The following PMM2 variants were observed in gnomAD, a reference collection of about 807,000 sequenced individuals.
PMM2 encodes phosphomannomutase 2.
A neutral mutation model predicts 33.2 loss-of-function variants in PMM2; 35 were observed. That is an observed-to-expected ratio of 1.06 (90% confidence interval 0.81 to 1.40). The LOEUF is 1.40. Among genes scored for constraint, PMM2 ranks in the 40% most tolerant of loss-of-function variants. The pLI, the probability that PMM2 is intolerant of heterozygous loss-of-function variation, is 0.00. For missense variants in PMM2, 386 were observed against 306.0 expected, an observed-to-expected ratio of 1.26 and a Z score of -1.95; for synonymous variants, 153 against 114.7, an observed-to-expected ratio of 1.33 and a Z score of -2.13.
At chr16:8,839,623 C>G (rs1393056186) in intron 7 of PMM2, among the ~76,000 whole-genome samples, 1 of 151,938 alleles carries the variant, frequency 6.6e-6, no homozygotes, top group Non-Finnish European at 1.5e-5. Flanking sequence ...AAGTGTCTTC[C>G]TAAGCAATAA....
intron 7 of PMM2, chr16:8,842,253 T>A (rs1322765795): frequency 6.6e-6 from 1 of 152,310 alleles, no homozygotes; most frequent in Admixed American, 6.5e-5. Context: ...GAGGATGAAA[T>A]TTGAGCTTTG....
At position 8,797,908 on chromosome 16, in the gene PMM2, G is replaced by A. The variant is rs104894532; in HGVS notation, c.26G>A (p.Cys9Tyr). The change falls in exon 1 of 8, where the codon TGC becomes TAC. Residue 9 changes from cysteine (C) to tyrosine (Y), a missense_variant. By Grantham distance (194) the Cys-to-Tyr change is radical (BLOSUM62 -2). Transcript: ENST00000268261. Reference protein sequence around the residue: MAAPGPALCLFDVDGTLTA... With the variant: MAAPGPALYLFDVDGTLTA... The stretch of plus-strand genomic sequence containing the variant: ...ATGGCAGCGCCTGGCCCAGCGCTCT[G>A]CCTCTTCGACGTGGATGGGACCCTC... The A allele has an allele frequency of 1.9e-6, 3 of 1,611,322 alleles. No homozygotes were observed. Among genetic ancestry groups the A allele is most frequent in the Non-Finnish European group, 2.5e-6 (3 of 1,179,188 alleles).
chr16:8,831,585 A>G (rs946339574), intron 7 of PMM2, among the ~76,000 whole-genome samples: 3 of 152,212 alleles, frequency 2.0e-5, no homozygotes, highest in Admixed American at 6.5e-5. Flanking sequence ...CATCTGTGCT[A>G]TAGGAGGCAT....
intron 7 of PMM2, among the ~76,000 whole-genome samples, chr16:8,825,419 G>A (rs916217172): frequency 2.6e-5 from 4 of 151,188 alleles, no homozygotes; most frequent in Non-Finnish European, 5.9e-5. Flanking sequence ...TCCGCCTCCT[G>A]GGTTCAAGCG....
At chr16:8,821,988 G>A (rs1417149385) in intron 7 of PMM2, among the ~76,000 whole-genome samples, 5 of 152,174 alleles carry the variant, frequency 3.3e-5, no homozygotes, top group Non-Finnish European at 7.3e-5. Context: ...GCCTAGACAA[G>A]AGCCGATTTA....
intron 7 of PMM2, among the ~76,000 whole-genome samples, chr16:8,820,033 C>G (rs1287106267): frequency 1.3e-5 from 2 of 152,108 alleles, no homozygotes; most frequent in African/African-American, 4.8e-5. Context: ...TTAAAATTAG[C>G]TTAAAAATAC....
At chr16:8,836,711 TAATAA>T (rs1436294100) in intron 7 of PMM2, among the ~76,000 whole-genome samples, 4 of 152,026 alleles carry the variant, frequency 2.6e-5, no homozygotes, top group Non-Finnish European at 4.4e-5. Flanking sequence ...GCAGATTGGG[TAATAA>T]AATGTATATT....
chr16:8,815,732 A>T (rs577077970), intron 7 of PMM2, among the ~76,000 whole-genome samples: 4 of 152,350 alleles, frequency 2.6e-5, no homozygotes, highest in South Asian at 2.1e-4. Context: ...CCTAGAAAAA[A>T]AACATAGGGA....
intron 7 of PMM2, among the ~76,000 whole-genome samples, chr16:8,842,639 G>C (rs998847440): frequency 2.6e-5 from 4 of 152,170 alleles, no homozygotes; most frequent in Non-Finnish European, 5.9e-5. Flanking sequence ...GTATGGGTTG[G>C]GCACCACAGG....
chr16:8,840,201 G>A (rs994333927), intron 7 of PMM2, among the ~76,000 whole-genome samples: 2 of 151,788 alleles, frequency 1.3e-5, no homozygotes, highest in Non-Finnish European at 2.9e-5. Flanking sequence ...GGGAGAGGTA[G>A]AGGGTGGCAT....
chr16:8,845,715 C>G (rs139952251), intron 7 of PMM2, among the ~76,000 whole-genome samples: 1 of 151,776 alleles, frequency 6.6e-6, no homozygotes, highest in East Asian at 1.9e-4. Flanking sequence ...ATTACAGGTG[C>G]GCACCACCAC....
Position 8,848,781 on chromosome 16 carries a change from C to T in PMM2, c.*956C>T, listed in dbSNP as rs2060946202. On this transcript the variant is annotated 3_prime_UTR_variant, in exon 8 of 8. Coordinates refer to ENST00000268261, the MANE Select transcript of PMM2 (RefSeq NM_000303.3). ...CCAGAGAACAGTAAGAGGAGCTGCT[C>T]TCCTATCTGCACTCACCCAGGCCTT... is the stretch of plus-strand genomic sequence containing the variant. 6.6e-6 allele frequency: 1 copy of T among 152,234 alleles called. No homozygotes were observed. Among genetic ancestry groups the T allele is most frequent in the Admixed American group, 6.5e-5 (1 of 15,290 alleles). 9.4% of individuals were successfully genotyped at this position (152,234 alleles called of 1,614,324 possible).
At chr16:8,838,457 T>C (rs2060867135) in intron 7 of PMM2, among the ~76,000 whole-genome samples, 1 of 151,636 alleles carries the variant, frequency 6.6e-6, no homozygotes, top group Non-Finnish European at 1.5e-5. Flanking sequence ...ATTGGGGCGG[T>C]GAAAATTTTT....
At chr16:8,834,610 C>G (rs2060831693) in intron 7 of PMM2, among the ~76,000 whole-genome samples, 2 of 152,072 alleles carry the variant, frequency 1.3e-5, no homozygotes, top group Admixed American at 1.3e-4. Flanking sequence ...CTGAATAATC[C>G]CTGAGGAGTA....
intron 7 of PMM2, among the ~76,000 whole-genome samples, chr16:8,827,714 G>A (rs1329450254): frequency 1.0e-5 from 1 of 100,470 alleles, no homozygotes; most frequent in African/African-American, 4.2e-5. Flanking sequence ...CCTTTTAAAT[G>A]TGTGCATATA....
chr16:8,804,364 A>G (rs1377708667), intron 2 of PMM2, among the ~76,000 whole-genome samples: 1 of 152,070 alleles, frequency 6.6e-6, no homozygotes, highest in Non-Finnish European at 1.5e-5. Context: ...TTTTAAAAAT[A>G]TATTTAGCCT....
intron 7 of PMM2, among the ~76,000 whole-genome samples, chr16:8,840,737 G>T (rs961732295): frequency 4.6e-5 from 7 of 152,004 alleles, no homozygotes; most frequent in African/African-American, 1.7e-4. Flanking sequence ...TAGTGGGGAG[G>T]ATCCTGCAGG....
chr16:8,846,035 C>T (rs1165931944), intron 7 of PMM2, among the ~76,000 whole-genome samples: 1 of 152,170 alleles, frequency 6.6e-6, no homozygotes, highest in African/African-American at 2.4e-5. Flanking sequence ...TGAAGGCCCC[C>T]AGGCCTGGTA....
At chr16:8,813,210 C>A in intron 7 of PMM2, 104 bp downstream of exon 7, 1 of 795,084 alleles carries the variant, frequency 1.3e-6, no homozygotes, top group Non-Finnish European at 2.3e-6. Context: ...ACCCACCCGC[C>A]CTGCTCAAAC....
Sources: gnomAD v4.1 joint callset for allele counts (sites outside exome capture counted in the v4.1 genomes callset) on GRCh38, gnomAD v4.1.1 for gene constraint, MANE v1.5 for transcripts, NCBI Gene and HGNC (gene_info 2026-07-23, HGNC 2026-07-21) for gene names.